PRUNE2: variants seen among roughly 807,000 people sequenced by gnomAD.
PRUNE2 encodes the protein protein prune homolog 2.
A neutral mutation model predicts 252.0 loss-of-function variants in PRUNE2; 164 were observed. That is an observed-to-expected ratio of 0.65 (90% confidence interval 0.57 to 0.74). The LOEUF (loss-of-function observed/expected upper bound fraction) is 0.74, where lower values mean the gene tolerates loss of function less well. Ranked by LOEUF, PRUNE2 falls within the 30% of genes least tolerant of loss-of-function variation. PRUNE2 has a pLI of 0.00. For missense variants in PRUNE2, 3,495 were observed against 3,711.0 expected (o/e 0.94, Z 1.51); for synonymous variants, 1,292 against 1,350.2 (o/e 0.96, Z 0.94).
chr9:76,854,908 A>T (rs1012614957), intron 1 of PRUNE2, among the ~76,000 whole-genome samples: 7 of 150,382 alleles, frequency 4.7e-5, no homozygotes, highest in Non-Finnish European at 8.9e-5. Flanking sequence ...ACTAAAAAAT[A>T]AAAAAAAATT....
chr9:76,790,327 A>C (rs2055429347), intron 6 of PRUNE2, among the ~76,000 whole-genome samples: 1 of 152,218 alleles, frequency 6.6e-6, no homozygotes, highest in African/African-American at 2.4e-5. Flanking sequence ...TTATTTAGTG[A>C]TATGTCAATT....
chr9:76,753,381 A>G (rs769005283), intron 6 of PRUNE2, among the ~76,000 whole-genome samples: 15 of 152,218 alleles, frequency 9.9e-5, no homozygotes, highest in Non-Finnish European at 2.2e-4. Context: ...TATGAAACTT[A>G]CAATATGACA....
intron 6 of PRUNE2, among the ~76,000 whole-genome samples, chr9:76,731,325 T>TATATATA (rs1491241762): frequency 0.011 from 905 of 84,856 alleles, 11 homozygotes; most frequent in African/African-American, 0.042. Context: ...TATATATATA[T>TATATATA]TTTTTTTTTT....
In PRUNE2 at chr9:76,705,523, T is replaced by G. The variant is rs116030326; in HGVS notation, c.6751A>C (p.Ile2251Leu). The G allele has an allele frequency of 2.7e-3, 4,409 of 1,614,000 alleles. 73 individuals are homozygous for G. In the African/African-American group the frequency reaches 0.044, roughly 16 times the overall value. ...EPTPEGDGSWISDSFSPESQP... is the reference protein window; with the variant it reads ...EPTPEGDGSWLSDSFSPESQP... ...CTTTCAGGAGAAAAGCTGTCTGATATCCAAGAACCGTCACCTTCTGGAGTT... is the reference window on the plus strand; with the variant it reads ...CTTTCAGGAGAAAAGCTGTCTGATAGCCAAGAACCGTCACCTTCTGGAGTT... The change falls in exon 8 of 19, where the codon ATA becomes CTA. Residue 2251 changes from isoleucine (I) to leucine (L), a missense_variant. Ile to Leu is a conservative substitution (Grantham distance 5). Coordinates refer to ENST00000376718, the MANE Select transcript of PRUNE2 (RefSeq NM_015225.3).
intron 10 of PRUNE2, among the ~76,000 whole-genome samples, chr9:76,655,080 T>C (rs1347295386): frequency 6.6e-6 from 1 of 152,236 alleles, no homozygotes. Context: ...ATTTCCAATT[T>C]TAAACATTCT....
intron 6 of PRUNE2, among the ~76,000 whole-genome samples, chr9:76,773,320 CAGAATGA>C (rs1300882000): frequency 6.6e-6 from 1 of 152,012 alleles, no homozygotes; most frequent in Non-Finnish European, 1.5e-5. Flanking sequence ...GGGAGAATAC[CAGAATGA>C]AGAATGGGAA....
At chr9:76,825,238 G>A (rs2058278132) in intron 5 of PRUNE2, among the ~76,000 whole-genome samples, 1 of 152,184 alleles carries the variant, frequency 6.6e-6, no homozygotes, top group Admixed American at 6.5e-5. Flanking sequence ...GTCAATTTCA[G>A]GGATCTAAAT....
chr9:76,754,714 C>A (rs1483330091), intron 6 of PRUNE2, among the ~76,000 whole-genome samples: 1 of 152,068 alleles, frequency 6.6e-6, no homozygotes, highest in Non-Finnish European at 1.5e-5. Flanking sequence ...CGTCTGTAAA[C>A]CCAGCACTTT....
Position 76,688,141 on chromosome 9 carries a change from T to C in PRUNE2, c.8276+15196A>G, listed in dbSNP as rs1017949555. ...CCTGAAGCTGGGTGTTCTCTTTCTATAGCAACTGCCCAGGAAGTAAGAGCC... is the reference window on the plus strand; with the variant it reads ...CCTGAAGCTGGGTGTTCTCTTTCTACAGCAACTGCCCAGGAAGTAAGAGCC... On this transcript the variant is annotated intron_variant, in intron 9 of 18. Coordinates refer to ENST00000376718, the MANE Select transcript of PRUNE2 (RefSeq NM_015225.3). Among the ~76,000 whole-genome samples, 4 of 152,286 alleles carry C rather than the reference T, an allele frequency of 2.6e-5. No individual in the cohort carries two copies. In the South Asian group the frequency reaches 8.3e-4, roughly 32 times the overall value.
rs2046109364 is a variant in PRUNE2 at position 76,704,039 on chromosome 9, T to G, written c.7574A>C (p.Glu2525Ala). 6.2e-7 allele frequency: 1 copy of G among 1,610,668 alleles called. No individual in the cohort carries two copies. The highest frequency in any genetic ancestry group is 1.3e-5 in the African/African-American group (1 of 74,750). The change falls in exon 9 of 19, where the codon GAG (glutamate) becomes GCG (alanine). Residue 2525 changes from glutamate to alanine, a missense_variant. Physicochemically the swap from Glu to Ala is moderately radical, Grantham distance 107. Transcript: ENST00000376718. Reference sequence around the variant, plus strand: ...TTCCTTGTATTCTGATTTTATCTGCTCAGGCTCTTTGGTAGGAATTGTTTT... The same window carrying G: ...TTCCTTGTATTCTGATTTTATCTGCGCAGGCTCTTTGGTAGGAATTGTTTT... ...EEKTIPTKEP[E>A]QIKSEYKEER... is the part of the protein sequence containing the mutation.
chr9:76,894,707 T>C (rs1190514852), intron 1 of PRUNE2, among the ~76,000 whole-genome samples: 3 of 105,268 alleles, frequency 2.8e-5, no homozygotes, highest in African/African-American at 1.6e-4. Flanking sequence ...CTTTCATTAA[T>C]TTTCTGCAGC....
intron 9 of PRUNE2, chr9:76,692,113 A>C: frequency 1.4e-6 from 1 of 717,426 alleles, no homozygotes; most frequent in Admixed American, 2.0e-5. Context: ...GGAGGGTGAG[A>C]AGGATGCACG....
chr9:76,678,086 T>A (rs1328390756), intron 9 of PRUNE2, among the ~76,000 whole-genome samples: 1 of 152,042 alleles, frequency 6.6e-6, no homozygotes, highest in African/African-American at 2.4e-5. Flanking sequence ...TCTCTGGGGA[T>A]TGGCCGGGCT....
intron 15 of PRUNE2, among the ~76,000 whole-genome samples, 159 bp from the exon 16 acceptor site, chr9:76,629,449 T>C (rs1450995664): frequency 1.3e-5 from 2 of 152,186 alleles, no homozygotes; most frequent in African/African-American, 2.4e-5. Context: ...TGCCAGACAC[T>C]GTTTTGTTGT....
chr9:76,791,176 C>G (rs1162645203), intron 6 of PRUNE2, among the ~76,000 whole-genome samples: 1 of 152,140 alleles, frequency 6.6e-6, no homozygotes, highest in Non-Finnish European at 1.5e-5. Flanking sequence ...TGACTACATA[C>G]TGTAATATAC....
At chr9:76,764,062 T>C (rs2052045992) in intron 6 of PRUNE2, among the ~76,000 whole-genome samples, 1 of 152,180 alleles carries the variant, frequency 6.6e-6, no homozygotes, top group South Asian at 2.1e-4. Context: ...GTAGGACCAA[T>C]AACCTCATTC....
intron 6 of PRUNE2, among the ~76,000 whole-genome samples, chr9:76,790,724 G>A (rs2055469215): frequency 6.6e-6 from 1 of 152,226 alleles, no homozygotes; most frequent in Non-Finnish European, 1.5e-5. Flanking sequence ...GAGACCTGCT[G>A]TGAGAATGAT....
intron 4 of PRUNE2, among the ~76,000 whole-genome samples, chr9:76,830,744 A>G (rs1431360304): frequency 2.6e-5 from 4 of 152,078 alleles, no homozygotes; most frequent in African/African-American, 9.7e-5. Flanking sequence ...GGTGCCTGAT[A>G]GTAAAACTGC....
At chr9:76,730,407 C>T (rs971289544) in intron 6 of PRUNE2, among the ~76,000 whole-genome samples, 6 of 152,190 alleles carry the variant, frequency 3.9e-5, no homozygotes, top group Non-Finnish European at 5.9e-5. Context: ...TATTAACCCA[C>T]GCATCTGTAA....
Sources: allele counts gnomAD v4.1 joint callset (sites outside exome capture counted in the v4.1 genomes callset), GRCh38; gene constraint gnomAD v4.1.1; transcripts MANE v1.5; gene names NCBI Gene and HGNC (gene_info 2026-07-23, HGNC 2026-07-21).